ACER3: variants seen among roughly 807,000 people sequenced by gnomAD.
The protein encoded by ACER3 is alkCDase 3.
ACER3 carries 16 observed loss-of-function variants against 48.9 expected under a neutral mutation model. The observed-to-expected ratio is 0.33, with a 90% confidence interval of 0.22 to 0.50. The LOEUF (loss-of-function observed/expected upper bound fraction) is 0.50, where lower values mean the gene tolerates loss of function less well. ACER3 is among the 20% of genes least tolerant of loss of function. The pLI, the probability that ACER3 is intolerant of heterozygous loss-of-function variation, is 0.98. For synonymous variants in ACER3, 109 were observed against 107.8 expected, an observed-to-expected ratio of 1.01 and a Z score of -0.07; for missense variants, 227 against 326.0, an observed-to-expected ratio of 0.70 and a Z score of 2.34.
At position 76,873,071 on chromosome 11, in the gene ACER3, C is replaced by G. The variant is rs527758957; in HGVS notation, c.103+11992C>G. 4.0e-5 allele frequency among the ~76,000 whole-genome samples: 6 copies of G among 151,886 alleles called. No individual in the cohort carries two copies. The East Asian group carries it at 1.2e-3, about 29-fold the overall frequency. Reference sequence around the variant, plus strand: ...GCACTACAAGTGTCTGCCACCATACCTGGTGATTTTTTTATTTTATTTTTT... The same window carrying G: ...GCACTACAAGTGTCTGCCACCATACGTGGTGATTTTTTTATTTTATTTTTT... On this transcript the variant is annotated intron_variant, in intron 1 of 10. Coordinates refer to ENST00000532485, the MANE Select transcript of ACER3 (RefSeq NM_018367.7).
chr11:76,888,870 G>A (rs943942100), intron 1 of ACER3, among the ~76,000 whole-genome samples: 18 of 152,204 alleles, frequency 1.2e-4, no homozygotes, highest in Non-Finnish European at 1.0e-4. Context: ...AGTTACACAA[G>A]GCTATGGATA....
At chr11:76,960,546 A>G (rs1947961987) in intron 3 of ACER3, among the ~76,000 whole-genome samples, 2 of 152,174 alleles carry the variant, frequency 1.3e-5, no homozygotes, top group African/African-American at 4.8e-5. Flanking sequence ...TACCTGCAAT[A>G]TATTTTTAGT....
intron 1 of ACER3, among the ~76,000 whole-genome samples, chr11:76,870,216 C>T (rs577163287): frequency 1.3e-5 from 2 of 151,660 alleles, no homozygotes; most frequent in Non-Finnish European, 2.9e-5. Flanking sequence ...AGGCTGGTCT[C>T]GACCTCCTGG....
At chr11:77,019,705 C>T (rs782063068) in intron 9 of ACER3, 26 bp from the exon 10 acceptor site, 2 of 1,611,302 alleles carry the variant, frequency 1.2e-6, no homozygotes, top group Non-Finnish European at 1.7e-6. Flanking sequence ...ATCTGAAAAG[C>T]TTTCCCCCTC....
rs374236733 is a variant in ACER3, at chr11:77,022,198, T to C, written c.*1871T>C. 12 of 152,366 alleles carry C rather than the reference T, an allele frequency of 7.9e-5. No homozygotes were observed. In the East Asian group the frequency reaches 9.6e-4, roughly 12 times the overall value. The allele number at this position is 152,366 out of a possible 1,614,324, so 9.4% of individuals were successfully genotyped here. A position where few individuals can be genotyped will look rare whatever the true frequency, so the allele number is the denominator to read the frequency against. On this transcript the variant is annotated 3_prime_UTR_variant, in exon 11 of 11. Coordinates refer to ENST00000532485, the MANE Select transcript of ACER3 (RefSeq NM_018367.7). ...GTGTAGGATAAAGGCATATCGTACA[T>C]GGCAATGCTGTTAAACATGGTAAGA...
At chr11:77,017,440 C>G (rs1224204304) in intron 9 of ACER3, among the ~76,000 whole-genome samples, 2 of 152,106 alleles carry the variant, frequency 1.3e-5, no homozygotes, top group Non-Finnish European at 2.9e-5. Flanking sequence ...AGACCTCTAA[C>G]TAGGTCAAAA....
At chr11:76,893,678 C>G (rs1294149584) in intron 1 of ACER3, among the ~76,000 whole-genome samples, 1 of 152,118 alleles carries the variant, frequency 6.6e-6, no homozygotes, top group Non-Finnish European at 1.5e-5. Flanking sequence ...AGAGAAAATA[C>G]TTCATAGATT....
intron 7 of ACER3, among the ~76,000 whole-genome samples, chr11:77,005,228 G>T (rs1389376557): frequency 6.6e-6 from 1 of 151,816 alleles, no homozygotes; most frequent in Non-Finnish European, 1.5e-5. Flanking sequence ...AGTAGAGACG[G>T]GTTTCACCGT....
intron 4 of ACER3, among the ~76,000 whole-genome samples, chr11:76,984,087 C>A (rs955020899): frequency 6.6e-6 from 1 of 152,118 alleles, no homozygotes; most frequent in African/African-American, 2.4e-5. Flanking sequence ...CGCACCTGGG[C>A]TCTAATGATT....
At chr11:77,017,940 C>CTTTTTTTT (rs71043531) in intron 9 of ACER3, among the ~76,000 whole-genome samples, 1 of 75,702 alleles carries the variant, frequency 1.3e-5, no homozygotes, top group Non-Finnish European at 2.4e-5. Flanking sequence ...GATCAGTGAT[C>CTTTTTTTT]TTTTTTTTTT....
intron 2 of ACER3, among the ~76,000 whole-genome samples, chr11:76,952,648 A>G (rs1947710094): frequency 6.7e-6 from 1 of 149,424 alleles, no homozygotes; most frequent in African/African-American, 2.5e-5. Flanking sequence ...TAAAATGGCT[A>G]TAGAAGTTAC....
chr11:76,985,540 T>A (rs1273959732), intron 4 of ACER3, 103 bp from the exon 5 acceptor site: 3 of 673,882 alleles, frequency 4.5e-6, no homozygotes, highest in Non-Finnish European at 7.1e-6. Context: ...AAATGATGGA[T>A]ATCACTTATC....
chr11:76,946,316 A>C (rs1362388157), intron 2 of ACER3, among the ~76,000 whole-genome samples: 1 of 151,426 alleles, frequency 6.6e-6, no homozygotes, highest in African/African-American at 2.4e-5. Flanking sequence ...GGAAGGGTGC[A>C]TCTTAGGAAG....
rs140599991 is a variant in ACER3 at position 76,978,178 on chromosome 11, G to A, written c.320+1837G>A. ...CAGACAGGTTCCTGGGCAGAAAGGG[G>A]CAGTCCCCGGTGAAGCTCCACCTTC... On this transcript the variant is annotated intron_variant, in intron 4 of 10. Transcript: ENST00000532485. Among the ~76,000 whole-genome samples the A allele has an allele frequency of 9.6e-3, 1,458 of 152,298 alleles. 12 individuals carry two copies. The highest frequency in any genetic ancestry group is 0.015 in the Non-Finnish European group (1,003 of 68,022).
intron 6 of ACER3, among the ~76,000 whole-genome samples, chr11:76,997,034 T>C (rs1481984827): frequency 3.3e-5 from 5 of 152,298 alleles, no homozygotes; most frequent in African/African-American, 1.2e-4. Flanking sequence ...CCTCTGTTAC[T>C]GTTATATGAA....
intron 1 of ACER3, among the ~76,000 whole-genome samples, chr11:76,875,711 A>G (rs1945355407): frequency 6.8e-6 from 1 of 146,542 alleles, no homozygotes; most frequent in African/African-American, 2.5e-5. Flanking sequence ...TTTACATTCA[A>G]TGTAATACAC....
chr11:76,936,059 A>G (rs1947173185), intron 2 of ACER3, among the ~76,000 whole-genome samples: 2 of 152,222 alleles, frequency 1.3e-5, no homozygotes, highest in Non-Finnish European at 1.5e-5. Flanking sequence ...CATACCCAAG[A>G]CTAGGAAGAA....
At chr11:76,977,365 G>T (rs12223659) in intron 4 of ACER3, among the ~76,000 whole-genome samples, 108,010 of 151,950 alleles carry the variant, frequency 0.71, 38,785 homozygotes, top group Non-Finnish European at 0.77. Flanking sequence ...TTCCTGTACT[G>T]CATGATCAAA....
At chr11:76,865,185 A>G (rs1372500066) in intron 1 of ACER3, among the ~76,000 whole-genome samples, 5 of 135,580 alleles carry the variant, frequency 3.7e-5, no homozygotes, top group Middle Eastern at 4.1e-3. Flanking sequence ...GGGTTTTGCC[A>G]TGTTGCCCAA....
Sources: gnomAD v4.1 joint callset for allele counts (sites outside exome capture counted in the v4.1 genomes callset) on GRCh38, gnomAD v4.1.1 for gene constraint, MANE v1.5 for transcripts, NCBI Gene and HGNC (gene_info 2026-07-23, HGNC 2026-07-21) for gene names.